The following MPHOSPH10 variants were observed in gnomAD, a reference collection of about 807,000 sequenced individuals.
MPHOSPH10 encodes the protein M-phase phosphoprotein 10.
In MPHOSPH10, 33 loss-of-function variants were observed where a neutral mutation model predicts 77.3. The ratio of observed to expected loss-of-function variants is 0.43; its 90% CI spans 0.32 to 0.57. MPHOSPH10 has a LOEUF of 0.57. Ranked by LOEUF, MPHOSPH10 falls within the 20% of genes least tolerant of loss-of-function variation. The pLI is 0.07. For synonymous variants in MPHOSPH10, 245 were observed against 268.0 expected, an observed-to-expected ratio of 0.91 and a Z score of 0.84; for missense variants, 708 against 780.1, an observed-to-expected ratio of 0.91 and a Z score of 1.10.
chr2:71,130,697 T>A lies in MPHOSPH10; in HGVS notation c.32T>A (p.Leu11Gln). 1 of 1,610,912 alleles carries A rather than the reference T, an allele frequency of 6.2e-7. No homozygotes were observed. Among genetic ancestry groups the A allele is most frequent in the Non-Finnish European group, 8.5e-7 (1 of 1,179,274 alleles). The change falls in exon 1 of 11, where the codon CTG becomes CAG. Residue 11 changes from leucine to glutamine, a missense_variant. Leu to Gln is a moderately radical substitution (Grantham distance 113). Transcript: ENST00000244230. Reference protein sequence around the residue: MAPQVWRRRTLERCLTEVGKA... With the variant: MAPQVWRRRTQERCLTEVGKA... Reference sequence around the variant, plus strand: ...CCGCAGGTCTGGCGTCGACGGACCCTGGAGCGGTGTCTGACGGAAGTCGGC... The same window carrying A: ...CCGCAGGTCTGGCGTCGACGGACCCAGGAGCGGTGTCTGACGGAAGTCGGC...
intron 7 of MPHOSPH10, chr2:71,144,131 T>C (rs1673662735): frequency 1.0e-5 from 2 of 192,800 alleles, no homozygotes; most frequent in African/African-American, 4.7e-5. Flanking sequence ...TAAAAACAAC[T>C]GTAGCCATCT....
chr2:71,138,472 ATT>A lies in MPHOSPH10; in HGVS notation c.1099-15_1099-14del. On this transcript the variant is annotated splice_polypyrimidine_tract_variant and intron_variant, in intron 4 of 10. Transcript: ENST00000244230. ...TTTATTTTCTAAATGTATACTAGTT[ATT>A]TTATCTCTTTCTTAGATGAATGAAA... 6.6e-7 allele frequency: 1 copy of A among 1,525,992 alleles called. No individual in the cohort carries two copies. Among genetic ancestry groups the A allele is most frequent in the Non-Finnish European group, 8.8e-7 (1 of 1,130,320 alleles). 94.5% of individuals were successfully genotyped at this position (1,525,992 alleles called of 1,614,324 possible).
intron 1 of MPHOSPH10, 179 bp downstream of exon 1, chr2:71,130,933 G>A: frequency 1.7e-6 from 1 of 599,698 alleles, no homozygotes; most frequent in Non-Finnish European, 2.9e-6. Flanking sequence ...GTTAAAATTT[G>A]TATAGATGGA....
At chr2:71,140,789 AAGGGTTTAAAGGGTGAGTAT>A (rs1170375240) in intron 6 of MPHOSPH10, among the ~76,000 whole-genome samples, 1 of 152,208 alleles carries the variant, frequency 6.6e-6, no homozygotes, top group Non-Finnish European at 1.5e-5. Context: ...CTAAAATAGA[AAGGGTTTAAAGGGTGAGTAT>A]CATGTGCAGA....
chr2:71,133,701 G>C (rs959394543), intron 2 of MPHOSPH10, 125 bp downstream of exon 2: 2 of 1,102,276 alleles, frequency 1.8e-6, no homozygotes, highest in African/African-American at 3.1e-5. Flanking sequence ...TATCTTATCA[G>C]TTATAAATGA....
chr2:71,138,859 AC>A (rs1243691487), intron 5 of MPHOSPH10: 102 of 636,540 alleles, frequency 1.6e-4, no homozygotes, highest in Non-Finnish European at 2.5e-4. Flanking sequence ...ACATGGTGAA[AC>A]CCCGTCTCTA....
chr2:71,135,254 T>G (rs146048382), intron 4 of MPHOSPH10, among the ~76,000 whole-genome samples: 1 of 151,866 alleles, frequency 6.6e-6, no homozygotes, highest in Non-Finnish European at 1.5e-5. Flanking sequence ...GTGAGTAAAA[T>G]AGTTGCTTCT....
chr2:71,134,546 T>C, intron 3 of MPHOSPH10, 80 bp from the exon 4 acceptor site: 1 of 1,367,218 alleles, frequency 7.3e-7, no homozygotes, highest in Non-Finnish European at 1.0e-6. Context: ...ATAAGAACTT[T>C]ATTAAGGGAA....
chr2:71,133,673 A>T, intron 2 of MPHOSPH10, 97 bp downstream of exon 2: 2 of 1,284,006 alleles, frequency 1.6e-6, no homozygotes, highest in African/African-American at 1.5e-5. Flanking sequence ...AGATTTAGTG[A>T]TAAGAAATAT....
At chr2:71,144,609 T>A in intron 8 of MPHOSPH10, 71 bp downstream of exon 8, 1 of 1,114,786 alleles carries the variant, frequency 9.0e-7, no homozygotes, top group Non-Finnish European at 1.3e-6. Context: ...TTTGTGAGAC[T>A]AGCTCTTTAT....
chr2:71,134,592 T>C (rs746062664), intron 3 of MPHOSPH10, 34 bp from the exon 4 acceptor site: 1 of 1,550,090 alleles, frequency 6.5e-7, no homozygotes, highest in East Asian at 2.3e-5. Flanking sequence ...TGGAAAGTAG[T>C]ATATTTCTTT....
chr2:71,130,924 T>C, intron 1 of MPHOSPH10, 170 bp downstream of exon 1: 1 of 623,214 alleles, frequency 1.6e-6, no homozygotes. Flanking sequence ...TTAAAAACTG[T>C]TAAAATTTGT....
In MPHOSPH10 at chr2:71,134,060, A is replaced by G; in HGVS notation, c.881A>G (p.Asp294Gly). 6.2e-7 allele frequency: 1 copy of G among 1,610,234 alleles called. No individual in the cohort carries two copies. The highest frequency in any genetic ancestry group is 8.5e-7 in the Non-Finnish European group (1 of 1,178,076). Residue 294 changes from aspartate to glycine, a missense_variant, in exon 3 of 11, where the codon GAT (aspartate) becomes GGT (glycine). Around this residue, in one of 3 missense-constraint regions of MPHOSPH10, gnomAD observed 433 missense variants for 432.6 expected, o/e 1.00. Transcript: ENST00000244230. Reference sequence around the variant, plus strand: ...GAGCTGGATTCAAACAAAGAAGATGATGAAATTGCTGAAGAAGAAGCAGAA... The same window carrying G: ...GAGCTGGATTCAAACAAAGAAGATGGTGAAATTGCTGAAGAAGAAGCAGAA... The part of the protein sequence containing the change: ...DDELDSNKED[D>G]EIAEEEAEEL...
At chr2:71,136,004 G>A (rs1417840475) in intron 4 of MPHOSPH10, among the ~76,000 whole-genome samples, 2 of 152,002 alleles carry the variant, frequency 1.3e-5, no homozygotes, top group African/African-American at 2.4e-5. Flanking sequence ...TGCGCCCAGC[G>A]GATACCACCT....
In MPHOSPH10 at chr2:71,130,763, G is replaced by A. The variant is rs146859550; in HGVS notation, c.89+9G>A. On this transcript the variant is annotated intron_variant, in intron 1 of 10. Coordinates refer to ENST00000244230, the MANE Select transcript of MPHOSPH10 (RefSeq NM_005791.3). ...CCCGAGTGCTTCCTCACGTAAGTGCGCAGATCCCGGGCTCGGGGTGCGACC... is the reference window on the plus strand; with the variant it reads ...CCCGAGTGCTTCCTCACGTAAGTGCACAGATCCCGGGCTCGGGGTGCGACC... 5.0e-4 allele frequency: 804 copies of A among 1,599,760 alleles called. 1 individual carries two copies. In the African/African-American group the frequency reaches 8.9e-3, roughly 18 times the overall value.
Position 71,149,286 on chromosome 2 carries a change from G to C in MPHOSPH10, c.1729G>C (p.Glu577Gln). ...AAAAACAGCTACAGACAAGAAACGA[G>C]AGCGAAGGAAAAAGAAATATCAAAA... Reference protein sequence around the residue: ...AEKTATDKKRERRKKKYQKRM... With the variant: ...AEKTATDKKRQRRKKKYQKRM... The change falls in exon 10 of 11, where the codon GAG becomes CAG. Residue 577 changes from glutamate (E) to glutamine (Q), a missense_variant. Transcript: ENST00000244230. 6.2e-7 allele frequency: 1 copy of C among 1,605,316 alleles called. No individual in the cohort carries two copies. The highest frequency in any genetic ancestry group is 8.5e-7 in the Non-Finnish European group (1 of 1,175,544).
chr2:71,133,431 C>G lies in MPHOSPH10; in HGVS notation c.623C>G (p.Ser208Cys), dbSNP rs745602482. 22 of 1,613,728 alleles carry G rather than the reference C, an allele frequency of 1.4e-5. No homozygotes were observed. In the Middle Eastern group the frequency reaches 4.9e-4, roughly 36 times the overall value. Reference sequence around the variant, plus strand: ...GTAGATGATAAATTCTTCAAACTCTCTGAAATGGAGGCCTATTTAGAAAAC... The same window carrying G: ...GTAGATGATAAATTCTTCAAACTCTGTGAAATGGAGGCCTATTTAGAAAAC... ...SIVDDKFFKL[S>C]EMEAYLENIE... Residue 208 changes from serine (S) to cysteine (C), a missense_variant, in exon 2 of 11, where the codon TCT becomes TGT. Transcript: ENST00000244230.
intron 10 of MPHOSPH10, 87 bp from the exon 11 acceptor site, chr2:71,149,779 A>G (rs1340806590): frequency 1.7e-6 from 2 of 1,143,000 alleles, no homozygotes; most frequent in South Asian, 1.8e-5. Flanking sequence ...GGTTGCATAC[A>G]TTGTTGTAAT....
At chr2:71,131,683 T>A (rs1673383363) in intron 1 of MPHOSPH10, among the ~76,000 whole-genome samples, 1 of 152,168 alleles carries the variant, frequency 6.6e-6, no homozygotes, top group South Asian at 2.1e-4. Flanking sequence ...GGTGGTTATC[T>A]ATTAGCAGAG....
Sources: gnomAD v4.1 joint callset for allele counts (sites outside exome capture counted in the v4.1 genomes callset) on GRCh38, gnomAD v4.1.1 for gene constraint, gnomAD v4.1.1 regional missense constraint, MANE v1.5 for transcripts, NCBI Gene and HGNC (gene_info 2026-07-23, HGNC 2026-07-21) for gene names.